The following KLHL5 variants were observed in gnomAD, a reference collection of about 807,000 sequenced individuals.
KLHL5 encodes kelch-like protein 5.
Under a neutral mutation model 77.7 loss-of-function variants are expected in KLHL5, and 48 were observed. The ratio of observed to expected loss-of-function variants is 0.62; its 90% confidence interval spans 0.49 to 0.79. The LOEUF is 0.79. KLHL5 is among the 30% of genes least tolerant of loss of function. The probability of loss-of-function intolerance (pLI) is 0.00; values close to 1 mark genes in which losing one functional copy is unlikely to be tolerated. For missense variants in KLHL5, 723 were observed against 859.7 expected, an observed-to-expected ratio of 0.84 and a Z score of 1.99; for synonymous variants, 260 against 297.0, an observed-to-expected ratio of 0.88 and a Z score of 1.28.
chr4:39,096,570 ATG>A, intron 5 of KLHL5, 120 bp from the exon 6 acceptor site: 1 of 634,780 alleles, frequency 1.6e-6, no homozygotes, highest in Non-Finnish European at 2.7e-6. Context: ...AGTTAAAAAT[ATG>A]TGCCTATGCT....
the KLHL5 span, among the ~76,000 whole-genome samples, chr4:39,136,614 G>T: frequency 6.6e-6 from 1 of 152,190 alleles, no homozygotes; most frequent in Admixed American, 6.5e-5. Context: ...ACCTGGCACA[G>T]GGTCTCAGAC....
At chr4:39,073,303 T>A (rs1257996196) in intron 1 of KLHL5, among the ~76,000 whole-genome samples, 1 of 152,074 alleles carries the variant, frequency 6.6e-6, no homozygotes, top group East Asian at 1.9e-4. Flanking sequence ...ATAATAACAG[T>A]GATGATAGTA....
At chr4:39,119,235 CCTCT>C (rs1325981998) in intron 10 of KLHL5, among the ~76,000 whole-genome samples, 1 of 152,134 alleles carries the variant, frequency 6.6e-6, no homozygotes, top group African/African-American at 2.4e-5. Context: ...TTGCAAGCCA[CCTCT>C]CTATGTTAAA....
At chr4:39,118,654 G>C (rs1325149428) in intron 10 of KLHL5, among the ~76,000 whole-genome samples, 1 of 152,102 alleles carries the variant, frequency 6.6e-6, no homozygotes, top group Non-Finnish European at 1.5e-5. Flanking sequence ...TACTTGGGAG[G>C]CTGAGGCAGG....
At chr4:39,128,361 T>C (rs968149711), downstream of KLHL5, among the ~76,000 whole-genome samples, 4 of 152,032 alleles carry the variant, frequency 2.6e-5, no homozygotes, top group African/African-American at 9.7e-5. Flanking sequence ...CTTGTTCACA[T>C]GTTGGTGGGG....
At chr4:39,119,569 T>A (rs28465556) in intron 10 of KLHL5, among the ~76,000 whole-genome samples, 1 of 151,922 alleles carries the variant, frequency 6.6e-6, no homozygotes, top group Admixed American at 6.6e-5. Context: ...TGGGTGACAG[T>A]GCAAGACTCC....
chr4:39,062,438 C>A lies in KLHL5; in HGVS notation c.-215C>A. ...GCTCTGATTGAACGGAATGTTCCAC[C>A]GTGTTTCATCTTTATTCATTATCCT... On this transcript the variant is annotated 5_prime_UTR_variant, in exon 1 of 11. Coordinates refer to ENST00000504108, the MANE Select transcript of KLHL5 (RefSeq NM_015990.5). 1 of 1,523,578 alleles carries A rather than the reference C, an allele frequency of 6.6e-7. No individual in the cohort carries two copies. The highest frequency in any genetic ancestry group is 1.3e-5 in the South Asian group (1 of 75,448). 94.4% of individuals were successfully genotyped at this position (1,523,578 alleles called of 1,614,324 possible).
intron 1 of KLHL5, 32 bp from the exon 2 acceptor site, chr4:39,075,933 A>G (rs2109350154): frequency 6.4e-7 from 1 of 1,565,390 alleles, no homozygotes; most frequent in Non-Finnish European, 8.7e-7. Context: ...TGATAGTGAT[A>G]TTTCAAAATG....
intron 1 of KLHL5, among the ~76,000 whole-genome samples, chr4:39,053,510 A>C (rs1479506161): frequency 6.6e-6 from 1 of 152,228 alleles, no homozygotes; most frequent in Non-Finnish European, 1.5e-5. Context: ...TGGGTGTCTC[A>C]GCACATGCCA....
chr4:39,046,476 C>T (rs1395977280), intron 1 of KLHL5, among the ~76,000 whole-genome samples: 4 of 152,146 alleles, frequency 2.6e-5, no homozygotes, highest in Non-Finnish European at 4.4e-5. Flanking sequence ...TGTCTGGGCG[C>T]GGTGACTAAC....
intron 5 of KLHL5, chr4:39,093,429 C>T (rs1720771162): frequency 2.2e-6 from 1 of 455,790 alleles, no homozygotes; most frequent in Non-Finnish European, 4.4e-6. Flanking sequence ...AATGGTTCCA[C>T]AACTTGGTAA....
intron 1 of KLHL5, among the ~76,000 whole-genome samples, chr4:39,052,937 T>A (rs1577626386): frequency 6.6e-6 from 1 of 152,156 alleles, no homozygotes; most frequent in Non-Finnish European, 1.5e-5. Context: ...CACTAAGAAA[T>A]TCTAGCCTCG....
At chr4:39,052,603 T>C (rs1716734171) in intron 1 of KLHL5, among the ~76,000 whole-genome samples, 1 of 152,186 alleles carries the variant, frequency 6.6e-6, no homozygotes, top group Non-Finnish European at 1.5e-5. Flanking sequence ...AGTGATGTAG[T>C]CAAGAATTGC....
chr4:39,070,009 CG>C (rs1471454072), intron 1 of KLHL5, among the ~76,000 whole-genome samples: 1 of 152,080 alleles, frequency 6.6e-6, no homozygotes, highest in Non-Finnish European at 1.5e-5. Context: ...AGTGCAGTAG[CG>C]GAAAGGCCAT....
chr4:39,045,975 G>A (rs1175433595), intron 1 of KLHL5, among the ~76,000 whole-genome samples: 1 of 151,400 alleles, frequency 6.6e-6, no homozygotes, highest in Non-Finnish European at 1.5e-5. Context: ...CTTCCTGTTA[G>A]GAAACAGTTT....
rs1489221543 is a variant in KLHL5 at position 39,124,893 on chromosome 4, G to T, written c.*3827G>T. ...AAAGTGAAAAGACAACCCACAGAATGGGAGAAAATATTTGTAAATCTTACA... is the reference window on the plus strand; with the variant it reads ...AAAGTGAAAAGACAACCCACAGAATTGGAGAAAATATTTGTAAATCTTACA... On this transcript the variant is annotated 3_prime_UTR_variant, in exon 11 of 11. Transcript: ENST00000504108. 5.3e-5 allele frequency among the ~76,000 whole-genome samples: 8 copies of T among 150,444 alleles called. No homozygotes were observed. The East Asian group carries it at 1.6e-3, about 29-fold the overall frequency.
chr4:39,090,053 G>A lies in KLHL5; in HGVS notation c.1113+3326G>A, dbSNP rs373634744. 2.1e-4 allele frequency among the ~76,000 whole-genome samples: 32 copies of A among 152,194 alleles called. No homozygotes were observed. The South Asian group carries it at 6.4e-3, about 31-fold the overall frequency. On this transcript the variant is annotated intron_variant, in intron 5 of 10. Transcript: ENST00000504108. ...TGAATGGCAAGATTGCAGAATTAGA[G>A]TTATCAAGTAATAAAGTTTTGAAGT...
At chr4:39,134,383 T>G in the KLHL5 span, among the ~76,000 whole-genome samples, 1 of 152,244 alleles carries the variant, frequency 6.6e-6, no homozygotes, top group Non-Finnish European at 1.5e-5. Context: ...TCATTTAATT[T>G]TTACAACAGC....
intron 1 of KLHL5, among the ~76,000 whole-genome samples, chr4:39,075,138 C>A (rs1393315825): frequency 6.6e-6 from 1 of 152,000 alleles, no homozygotes; most frequent in Non-Finnish European, 1.5e-5. Context: ...TCGAGACCAG[C>A]CTGACCAACA....
Sources: gnomAD v4.1 joint callset for allele counts (sites outside exome capture counted in the v4.1 genomes callset) on GRCh38, gnomAD v4.1.1 for gene constraint, MANE v1.5 for transcripts, NCBI Gene and HGNC (gene_info 2026-07-23, HGNC 2026-07-21) for gene names.